Variants in XIRP2 observed in about 807,000 individuals in gnomAD.
XIRP2 encodes the protein xin actin-binding repeat-containing protein 2.
XIRP2 carries 236 observed loss-of-function variants against 277.0 expected under a neutral mutation model. That is an observed-to-expected ratio of 0.85 (90% confidence interval 0.77 to 0.95). XIRP2 has a LOEUF of 0.95. Among genes scored for constraint, XIRP2 ranks in the 40% least tolerant of loss-of-function variants. XIRP2 has a pLI of 0.00. For missense variants in XIRP2, 4,640 were observed against 4,157.5 expected (o/e 1.12, Z -3.19); for synonymous variants, 1,490 against 1,416.5 (o/e 1.05, Z -1.17).
chr2:167,068,612 T>G (rs1689363200), intron 2 of XIRP2, among the ~76,000 whole-genome samples: 1 of 152,012 alleles, frequency 6.6e-6, no homozygotes, highest in South Asian at 2.1e-4. Flanking sequence ...CTTTGCTTTT[T>G]TTTTTCCTTT....
chr2:167,056,745 C>A (rs1355650642), intron 2 of XIRP2, among the ~76,000 whole-genome samples: 1 of 152,072 alleles, frequency 6.6e-6, no homozygotes, highest in Non-Finnish European at 1.5e-5. Context: ...TATGATGAGT[C>A]ATTTTTTGTC....
rs1452761301 is a variant in XIRP2 at position 167,254,371 on chromosome 2, G to C, written c.*39+206G>C. ...TTTACTTTTCTAATCAAATCCAAAA[G>C]CATCCCTTTTGTCTGAACACAAAAA... is the stretch of plus-strand genomic sequence containing the variant. On this transcript the variant is annotated intron_variant, in intron 10 of 10. Coordinates refer to ENST00000409195, the MANE Select transcript of XIRP2 (RefSeq NM_152381.6). Among the ~76,000 whole-genome samples the C allele has an allele frequency of 2.6e-5, 4 of 151,984 alleles. No homozygotes were observed. The East Asian group carries it at 7.8e-4, about 30-fold the overall frequency.
rs1695773206 is a variant in XIRP2, at chr2:167,259,285, C to T, written c.*1468C>T. ...AATGTACAGCTAAGCCTTTGTTTCC[C>T]AGAGTGGAGGTGCAGTCAGAACAAC... On this transcript the variant is annotated 3_prime_UTR_variant, in exon 11 of 11. Transcript: ENST00000409195. 3.1e-6 allele frequency: 5 copies of T among 1,613,138 alleles called. No individual in the cohort carries two copies. Among genetic ancestry groups the T allele is most frequent in the Non-Finnish European group, 4.2e-6 (5 of 1,179,540 alleles).
At chr2:166,907,891 T>G (rs1278946419) in intron 2 of XIRP2, among the ~76,000 whole-genome samples, 1 of 151,846 alleles carries the variant, frequency 6.6e-6, no homozygotes, top group Non-Finnish European at 1.5e-5. Flanking sequence ...TGCGTTAGTT[T>G]GCTGAGAATG....
At chr2:167,079,972 G>A (rs997583715) in intron 2 of XIRP2, among the ~76,000 whole-genome samples, 5 of 151,510 alleles carry the variant, frequency 3.3e-5, no homozygotes, top group Non-Finnish European at 7.4e-5. Flanking sequence ...TAGTTGTGAT[G>A]TTAGATTTTT....
At chr2:167,143,435 A>G (rs1282385508) in intron 3 of XIRP2, among the ~76,000 whole-genome samples, 2 of 152,194 alleles carry the variant, frequency 1.3e-5, no homozygotes, top group Non-Finnish European at 1.5e-5. Flanking sequence ...AAGGAGGGAT[A>G]GGAGAAAGGG....
intron 2 of XIRP2, among the ~76,000 whole-genome samples, chr2:166,922,470 T>C (rs190415396): frequency 1.0e-3 from 154 of 152,242 alleles, no homozygotes; most frequent in African/African-American, 3.5e-3. Flanking sequence ...TCTCCAGTAT[T>C]GAGGTCCTTT....
chr2:167,038,557 G>T (rs1350671601), intron 2 of XIRP2, among the ~76,000 whole-genome samples: 1 of 150,712 alleles, frequency 6.6e-6, no homozygotes. Flanking sequence ...TTTTTTTCCA[G>T]TAGTGATATA....
At chr2:166,997,839 A>T (rs1022774643) in intron 2 of XIRP2, among the ~76,000 whole-genome samples, 11 of 151,652 alleles carry the variant, frequency 7.3e-5, no homozygotes, top group African/African-American at 2.7e-4. Flanking sequence ...CGGGAGGCAG[A>T]GCTTGCAGTG....
intron 2 of XIRP2, among the ~76,000 whole-genome samples, chr2:166,946,212 G>A (rs998418393): frequency 2.0e-5 from 3 of 152,116 alleles, no homozygotes; most frequent in African/African-American, 7.2e-5. Context: ...AGAGTATCCT[G>A]ATTATATGAG....
At chr2:167,232,907 A>T (rs971318532) in intron 5 of XIRP2, among the ~76,000 whole-genome samples, 10 of 151,878 alleles carry the variant, frequency 6.6e-5, no homozygotes, top group African/African-American at 1.2e-4. Flanking sequence ...GGCACCCACC[A>T]TATGTCAGGC....
At chr2:167,214,805 G>T (rs768287481) in intron 4 of XIRP2, among the ~76,000 whole-genome samples, 18 of 152,080 alleles carry the variant, frequency 1.2e-4, no homozygotes, top group Non-Finnish European at 2.5e-4. Context: ...CTGACCTTGT[G>T]ATCCACCCAC....
intron 2 of XIRP2, among the ~76,000 whole-genome samples, chr2:166,909,827 G>A (rs1381974051): frequency 1.3e-5 from 2 of 152,208 alleles, no homozygotes; most frequent in Non-Finnish European, 2.9e-5. Flanking sequence ...ATGAAGTGCT[G>A]TTGAATTTTG....
chr2:167,000,718 T>C (rs79603266), intron 2 of XIRP2, among the ~76,000 whole-genome samples: 20,265 of 152,116 alleles, frequency 0.13, 1,837 homozygotes, highest in East Asian at 0.46. Flanking sequence ...TTCAATCATT[T>C]ACAGTTATTT....
chr2:167,036,902 G>T (rs545236100), intron 2 of XIRP2, among the ~76,000 whole-genome samples: 1 of 152,234 alleles, frequency 6.6e-6, no homozygotes, highest in East Asian at 1.9e-4. Flanking sequence ...GGGTTTATCA[G>T]GGGTTTCCAC....
At chr2:167,039,500 T>A (rs745683268) in intron 2 of XIRP2, among the ~76,000 whole-genome samples, 39 of 152,184 alleles carry the variant, frequency 2.6e-4, no homozygotes, top group Non-Finnish European at 5.0e-4. Context: ...AACAATCATA[T>A]CTGTCTAGAG....
chr2:167,244,664 T>A lies in XIRP2; in HGVS notation c.3272T>A (p.Val1091Asp). ...ACTAGAGATATTGTTAAAGGGGATGTCAAAACCTGTAAATGGCTTTTTGAG... is the reference window on the plus strand; with the variant it reads ...ACTAGAGATATTGTTAAAGGGGATGACAAAACCTGTAAATGGCTTTTTGAG... ...EQTRDIVKGD[V>D]KTCKWLFETQ... Residue 1091 changes from valine (V) to aspartate (D), a missense_variant, in exon 9 of 11, where the codon GTC becomes GAC. By Grantham distance (152) the Val-to-Asp change is radical (BLOSUM62 -3). Coordinates refer to ENST00000409195, the MANE Select transcript of XIRP2 (RefSeq NM_152381.6). The A allele has an allele frequency of 6.2e-7, 1 of 1,613,542 alleles. No homozygotes were observed. Among genetic ancestry groups the A allele is most frequent in the South Asian group, 1.1e-5 (1 of 91,026 alleles).
intron 5 of XIRP2, among the ~76,000 whole-genome samples, chr2:167,222,629 G>C (rs1694465922): frequency 6.6e-6 from 1 of 152,098 alleles, no homozygotes; most frequent in Non-Finnish European, 1.5e-5. Flanking sequence ...AGAATGAAAA[G>C]GACAACTTGA....
chr2:167,127,375 C>A (rs1691238794), intron 2 of XIRP2, among the ~76,000 whole-genome samples: 1 of 152,154 alleles, frequency 6.6e-6, no homozygotes, highest in South Asian at 2.1e-4. Flanking sequence ...ATTGTGACAA[C>A]CTTCTGACAG....
Sources: gnomAD v4.1 joint callset for allele counts (sites outside exome capture counted in the v4.1 genomes callset) on GRCh38, gnomAD v4.1.1 for gene constraint, MANE v1.5 for transcripts, NCBI Gene and HGNC (gene_info 2026-07-23, HGNC 2026-07-21) for gene names.